PCDH15: variants seen among roughly 807,000 people sequenced by gnomAD.
PCDH15 encodes the protein protocadherin-15.
In PCDH15, 129 loss-of-function variants were observed where a neutral mutation model predicts 178.5. The ratio of observed to expected loss-of-function variants is 0.72; its 90% CI spans 0.63 to 0.84. The LOEUF (loss-of-function observed/expected upper bound fraction) is 0.84, where lower values mean the gene tolerates loss of function less well. Ranked by LOEUF, PCDH15 falls within the 40% of genes least tolerant of loss-of-function variation. The probability of loss-of-function intolerance (pLI) is 0.00; values close to 1 mark genes in which losing one functional copy is unlikely to be tolerated. For missense variants in PCDH15, 2,230 were observed against 2,099.9 expected (o/e 1.06, Z -1.21); for synonymous variants, 800 against 732.0 (o/e 1.09, Z -1.50).
At chr10:55,504,049 T>TG (rs1269427744) in intron 2 of PCDH15, among the ~76,000 whole-genome samples, 2 of 151,334 alleles carry the variant, frequency 1.3e-5, no homozygotes, top group Non-Finnish European at 3.0e-5. Context: ...GGACAGAGTA[T>TG]TTTTAGGGCA....
In PCDH15 at chr10:53,903,377, G is replaced by A. The variant is rs377480411; in HGVS notation, c.3374-7C>T. On this transcript the variant is annotated splice_region_variant and splice_polypyrimidine_tract_variant and intron_variant, in intron 25 of 37. Transcript: ENST00000644397. ...TATACTTTAGCTGTATTGCCTGGAG[G>A]ACAAGAAACGATGCATTTTTTATTG... 40 of 1,611,850 alleles carry A rather than the reference G, an allele frequency of 2.5e-5. No individual in the cohort carries two copies. Among genetic ancestry groups the A allele is most frequent in the Non-Finnish European group, 3.4e-5 (40 of 1,179,062 alleles).
At chr10:53,870,593 A>G (rs571490236) in intron 26 of PCDH15, among the ~76,000 whole-genome samples, 2 of 152,302 alleles carry the variant, frequency 1.3e-5, no homozygotes, top group East Asian at 1.9e-4. Context: ...TCAGTTGAAT[A>G]CTAGTAATTT....
rs1236288972 is a variant in PCDH15, at chr10:54,129,277, C to G, written c.1917+3598G>C. On this transcript the variant is annotated intron_variant, in intron 15 of 37. Transcript: ENST00000644397. ...GTAAGTAAAAAATTAGAAATAAACT[C>G]AAATAAACGATCAATACATATTATA... 2.0e-5 allele frequency among the ~76,000 whole-genome samples: 3 copies of G among 152,124 alleles called. No homozygotes were observed. In the East Asian group the frequency reaches 5.8e-4, roughly 29 times the overall value.
chr10:54,788,580 G>C (rs181220736), intron 1 of PCDH15, among the ~76,000 whole-genome samples: 1 of 152,026 alleles, frequency 6.6e-6, no homozygotes, highest in East Asian at 1.9e-4. Context: ...TATACATAGA[G>C]TAAGAAGAGC....
intron 2 of PCDH15, among the ~76,000 whole-genome samples, chr10:55,420,770 C>T (rs1331711257): frequency 1.3e-5 from 2 of 151,544 alleles, no homozygotes; most frequent in African/African-American, 2.4e-5. Flanking sequence ...AAAAATATTA[C>T]ACCAAATTCG....
At chr10:54,227,560 C>T (rs368734553) in intron 9 of PCDH15, among the ~76,000 whole-genome samples, 2 of 152,172 alleles carry the variant, frequency 1.3e-5, no homozygotes, top group Non-Finnish European at 2.9e-5. Flanking sequence ...GTCCTGGAGA[C>T]GTTTTTCCCA....
At chr10:54,436,409 T>C (rs2075421487) in intron 3 of PCDH15, among the ~76,000 whole-genome samples, 1 of 151,858 alleles carries the variant, frequency 6.6e-6, no homozygotes, top group Non-Finnish European at 1.5e-5. Flanking sequence ...AATATGTTAT[T>C]AATGAACAAA....
At chr10:53,894,140 A>T (rs1367482211) in intron 26 of PCDH15, among the ~76,000 whole-genome samples, 1 of 152,324 alleles carries the variant, frequency 6.6e-6, no homozygotes, top group Admixed American at 6.5e-5. Flanking sequence ...TGATGGGAAA[A>T]CATAATGTCT....
At chr10:54,684,064 A>G (rs899987889) in intron 1 of PCDH15, among the ~76,000 whole-genome samples, 2 of 152,110 alleles carry the variant, frequency 1.3e-5, no homozygotes, top group African/African-American at 4.8e-5. Context: ...GATGAGACTC[A>G]CAATGGCAGA....
intron 26 of PCDH15, among the ~76,000 whole-genome samples, chr10:53,902,006 C>G (rs1203977105): frequency 2.0e-5 from 3 of 152,090 alleles, no homozygotes; most frequent in African/African-American, 7.2e-5. Context: ...GTCAATTGCT[C>G]TATATCAAAC....
At chr10:55,084,462 T>TAAAAAAAAAAAAAAAAAAAAAAAAA (rs71461276) in intron 2 of PCDH15, among the ~76,000 whole-genome samples, 3 of 145,612 alleles carry the variant, frequency 2.1e-5, no homozygotes, top group African/African-American at 7.5e-5. Flanking sequence ...CCTCAAGCTG[T>TAAAAAAAAAAAAAAAAAAAAAAAAA]AAAAAAAAAA....
chr10:54,521,217 A>G (rs1272284435), intron 3 of PCDH15, among the ~76,000 whole-genome samples: 2 of 152,140 alleles, frequency 1.3e-5, no homozygotes, highest in East Asian at 1.9e-4. Flanking sequence ...CATAATAATA[A>G]TAAAACAAAA....
In PCDH15 at chr10:55,204,953, G is replaced by T. The variant is rs80272641; in HGVS notation, c.-155-38302C>A. Among the ~76,000 whole-genome samples the T allele has an allele frequency of 2.0e-4, 30 of 151,902 alleles. 2 individuals are homozygous for T. The East Asian group carries it at 5.8e-3, about 29-fold the overall frequency. The stretch of plus-strand genomic sequence containing the variant: ...GATTAAATCTATTAAATAATTTTTA[G>T]AATTATAATGCCAACAGATTTTTCT... On this transcript the variant is annotated intron_variant, in intron 1 of 5. Coordinates refer to the PCDH15 transcript ENST00000458638.
At chr10:53,828,486 G>T in intron 31 of PCDH15, 79 bp downstream of exon 31, 1 of 1,223,932 alleles carries the variant, frequency 8.2e-7, no homozygotes, top group Non-Finnish European at 1.2e-6. Flanking sequence ...TTCTGAGCAG[G>T]CTGACTTGAT....
chr10:54,116,603 A>G (rs1423777038), intron 15 of PCDH15, among the ~76,000 whole-genome samples: 2 of 152,180 alleles, frequency 1.3e-5, no homozygotes, highest in African/African-American at 2.4e-5. Context: ...GTAGAATTCA[A>G]TCAGATCAGA....
chr10:54,919,878 T>G (rs914188352), intron 2 of PCDH15, among the ~76,000 whole-genome samples: 1 of 150,730 alleles, frequency 6.6e-6, no homozygotes, highest in African/African-American at 2.5e-5. Flanking sequence ...TGCTCATAAA[T>G]TCTATGAGGT....
rs117591946 is a variant in PCDH15, at chr10:54,159,898, T to C, written c.1591-6605A>G. On this transcript the variant is annotated intron_variant, in intron 13 of 37. Coordinates refer to ENST00000644397, the MANE Select transcript of PCDH15 (RefSeq NM_001384140.1). ...TTGTTTTTTCTTCTTCATAATTTCA[T>C]GGATAGAGGATTCATTCTTACATAG... Among the ~76,000 whole-genome samples the C allele has an allele frequency of 9.2e-3, 1,404 of 152,314 alleles. 10 individuals carry two copies. The highest frequency in any genetic ancestry group is 0.016 in the Non-Finnish European group (1,067 of 68,034).
At position 54,702,559 on chromosome 10, in the gene PCDH15, C is replaced by G. The variant is rs539741183; in HGVS notation, c.-28-38269G>C. Reference sequence around the variant, plus strand: ...ACAGAAATACAAAAAAAAAAAAAAACCTTCAAGTAATATTACAAACATGTC... The same window carrying G: ...ACAGAAATACAAAAAAAAAAAAAAAGCTTCAAGTAATATTACAAACATGTC... On this transcript the variant is annotated intron_variant, in intron 1 of 37. Coordinates refer to ENST00000644397, the MANE Select transcript of PCDH15 (RefSeq NM_001384140.1). 5.3e-3 allele frequency among the ~76,000 whole-genome samples: 393 copies of G among 73,618 alleles called. 1 individual carries two copies. The highest frequency in any genetic ancestry group is 0.011 in the Admixed American group (107 of 9,366). The allele number at this position is 73,618 out of a possible 152,430, so 48.3% of individuals were successfully genotyped here. A position where few individuals can be genotyped will look rare whatever the true frequency, so the allele number is the denominator to read the frequency against.
intron 2 of PCDH15, among the ~76,000 whole-genome samples, chr10:55,093,170 G>C (rs1296820015): frequency 6.6e-6 from 1 of 151,824 alleles, no homozygotes; most frequent in Non-Finnish European, 1.5e-5. Flanking sequence ...TTATAGTTTG[G>C]GCTGTCAATT....
Sources: gnomAD v4.1 joint callset for allele counts (sites outside exome capture counted in the v4.1 genomes callset) on GRCh38, gnomAD v4.1.1 for gene constraint, MANE v1.5 for transcripts, NCBI Gene and HGNC (gene_info 2026-07-23, HGNC 2026-07-21) for gene names.